SIPA1L2: variants seen among roughly 807,000 people sequenced by gnomAD.
SIPA1L2 encodes signal-induced proliferation-associated 1-like protein 2.
A neutral mutation model predicts 163.9 loss-of-function variants in SIPA1L2; 56 were observed. The observed-to-expected ratio is 0.34, with a 90% confidence interval of 0.28 to 0.43. SIPA1L2 has a LOEUF of 0.43. Ranked by LOEUF, SIPA1L2 falls within the 20% of genes least tolerant of loss-of-function variation. SIPA1L2 has a pLI of 1.00. For synonymous variants in SIPA1L2, 877 were observed against 865.7 expected, an observed-to-expected ratio of 1.01 and a Z score of -0.23; for missense variants, 1,974 against 2,193.5, an observed-to-expected ratio of 0.90 and a Z score of 2.00.
At chr1:232,408,105 A>G (rs182708808) in intron 19 of SIPA1L2, among the ~76,000 whole-genome samples, 1 of 152,288 alleles carries the variant, frequency 6.6e-6, no homozygotes, top group East Asian at 1.9e-4. Context: ...CAGACCACCA[A>G]TTTCACTTAG....
In SIPA1L2 at chr1:232,537,430, T is replaced by C. The variant is rs147963158; in HGVS notation, c.-269-21822A>G. On this transcript the variant is annotated intron_variant, in intron 2 of 22. Coordinates refer to ENST00000674635, the MANE Select transcript of SIPA1L2 (RefSeq NM_020808.5). ...CATCAGAGTTGCTTAAGAAGAACAA[T>C]AGTAGCAATACATCGCTTTATAGTG... Among the ~76,000 whole-genome samples, 615 of 151,932 alleles carry C rather than the reference T, an allele frequency of 4.0e-3. 5 individuals carry two copies. Among genetic ancestry groups the C allele is most frequent in the African/African-American group, 0.014 (573 of 41,410 alleles).
At position 232,402,454 on chromosome 1, in the gene SIPA1L2, G is replaced by A. The variant is rs1660400651; in HGVS notation, c.4960C>T (p.Leu1654=). The change falls in exon 22 of 23, where the codon CTG becomes TTG. Residue 1654 remains leucine, a synonymous_variant. Transcript: ENST00000674635. ...DTTGERSPSP[L]TGKVNQLELI... ...TCCAGCTGATTGACTTTCCCGGTCA[G>A]TGGTGATGGAGAACGCTCCCTAGCA... 5.0e-6 allele frequency: 8 copies of A among 1,613,556 alleles called. No homozygotes were observed. The highest frequency in any genetic ancestry group is 5.9e-6 in the Non-Finnish European group (7 of 1,179,550).
rs375046776 is a variant in SIPA1L2 at position 232,466,652 on chromosome 1, G to A, written c.2244-1236C>T. Among the ~76,000 whole-genome samples, 344 of 152,186 alleles carry A rather than the reference G, an allele frequency of 2.3e-3. 18 individuals are homozygous for A. The South Asian group carries it at 0.067, about 30-fold the overall frequency. On this transcript the variant is annotated intron_variant, in intron 8 of 22. Transcript: ENST00000674635. ...AAAAATACAAAAAAATTAGCCGGGC[G>A]TGGTGGCGGGCGCCTGTAGTCCCAG...
At chr1:232,532,617 G>A (rs1657034183) in intron 2 of SIPA1L2, among the ~76,000 whole-genome samples, 1 of 152,098 alleles carries the variant, frequency 6.6e-6, no homozygotes, top group Non-Finnish European at 1.5e-5. Flanking sequence ...AATAAATTTA[G>A]CTTCCAGAAT....
intron 3 of SIPA1L2, among the ~76,000 whole-genome samples, chr1:232,504,056 G>A (rs889244029): frequency 6.6e-6 from 1 of 152,036 alleles, no homozygotes; most frequent in African/African-American, 2.4e-5. Context: ...TAATAAATAA[G>A]CTGAGTGTGG....
chr1:232,624,485 G>A (rs1225535388), intron 1 of SIPA1L2, among the ~76,000 whole-genome samples: 1 of 152,124 alleles, frequency 6.6e-6, no homozygotes, highest in Non-Finnish European at 1.5e-5. Context: ...GCATTAACCA[G>A]AACTTTCTTT....
At chr1:232,442,939 T>C (rs1662991454) in intron 12 of SIPA1L2, among the ~76,000 whole-genome samples, 1 of 152,216 alleles carries the variant, frequency 6.6e-6, no homozygotes, top group South Asian at 2.1e-4. Context: ...TATAAGCTGC[T>C]CCTCAGAGTG....
chr1:232,541,047 A>G (rs1211804857), intron 2 of SIPA1L2, among the ~76,000 whole-genome samples: 1 of 152,192 alleles, frequency 6.6e-6, no homozygotes, highest in Non-Finnish European at 1.5e-5. Context: ...CCAAACAATG[A>G]GAACACATGG....
intron 2 of SIPA1L2, among the ~76,000 whole-genome samples, chr1:232,538,051 T>A (rs987992581): frequency 3.3e-5 from 5 of 152,210 alleles, no homozygotes; most frequent in African/African-American, 1.2e-4. Flanking sequence ...TCTTACCCCA[T>A]CAGTGAGGAA....
chr1:232,602,343 T>C (rs1381056843), intron 1 of SIPA1L2, among the ~76,000 whole-genome samples: 3 of 152,022 alleles, frequency 2.0e-5, no homozygotes, highest in Admixed American at 2.0e-4. Flanking sequence ...TTTTGTTTTG[T>C]TTATTTAAGA....
intron 14 of SIPA1L2, 46 bp from the exon 15 acceptor site, chr1:232,439,542 T>G: frequency 1.3e-6 from 2 of 1,566,748 alleles, no homozygotes; most frequent in Non-Finnish European, 1.7e-6. Context: ...AATCTTGAAC[T>G]CAGGTGCTTC....
In SIPA1L2 at chr1:232,513,919, C is replaced by T. The variant is rs768179080; in HGVS notation, c.1421G>A (p.Arg474His). 1.9e-6 allele frequency: 3 copies of T among 1,613,162 alleles called. No individual in the cohort carries two copies. Among genetic ancestry groups the T allele is most frequent in the Non-Finnish European group, 1.7e-6 (2 of 1,179,648 alleles). Residue 474 changes from arginine to histidine, a missense_variant, in exon 3 of 23, where the codon CGC becomes CAC. Coordinates refer to ENST00000674635, the MANE Select transcript of SIPA1L2 (RefSeq NM_020808.5). ...NQPIHREKVK[R>H]YIIEHIDLGA... is the part of the protein sequence containing the mutation. ...AAGGTCAATGTGTTCTATGATGTAG[C>T]GCTTCACTTTCTCCCTGTGAATAGG...
In SIPA1L2 at chr1:232,443,692, G is replaced by C; in HGVS notation, c.3354-7C>G. 6.2e-7 allele frequency: 1 copy of C among 1,605,744 alleles called. No homozygotes were observed. Among genetic ancestry groups the C allele is most frequent in the Non-Finnish European group, 8.5e-7 (1 of 1,176,046 alleles). On this transcript the variant is annotated splice_polypyrimidine_tract_variant and splice_region_variant and intron_variant, in intron 11 of 22. Coordinates refer to ENST00000674635, the MANE Select transcript of SIPA1L2 (RefSeq NM_020808.5). The stretch of plus-strand genomic sequence containing the variant: ...CTGGTTGCTGGGTGAGCTTCTGAAA[G>C]GTTGAGTAGAATCATTAACAGGGCA...
intron 1 of SIPA1L2, among the ~76,000 whole-genome samples, chr1:232,623,376 C>A (rs1219768844): frequency 6.6e-6 from 1 of 152,092 alleles, no homozygotes; most frequent in South Asian, 2.1e-4. Flanking sequence ...GAGGCCGAGG[C>A]GGGCAGATCA....
At chr1:232,402,332 G>T in intron 22 of SIPA1L2, 60 bp downstream of exon 22, 1 of 1,492,656 alleles carries the variant, frequency 6.7e-7, no homozygotes. Context: ...ATCTGTAGTA[G>T]TTATAAGGGG....
chr1:232,497,396 G>A (rs1040581998), intron 3 of SIPA1L2, among the ~76,000 whole-genome samples: 1 of 152,142 alleles, frequency 6.6e-6, no homozygotes, highest in Non-Finnish European at 1.5e-5. Flanking sequence ...AATGGACCGG[G>A]GCCTTCTGCA....
rs188743502 is a variant in SIPA1L2 at position 232,448,269 on chromosome 1, A to C, written c.3096-2483T>G. On this transcript the variant is annotated intron_variant, in intron 10 of 22. Coordinates refer to ENST00000674635, the MANE Select transcript of SIPA1L2 (RefSeq NM_020808.5). ...CTAATTGGTGCAGTTCGGCAAGGACACGGGAAGACTAGATAAGTCTCAACT... is the reference window on the plus strand; with the variant it reads ...CTAATTGGTGCAGTTCGGCAAGGACCCGGGAAGACTAGATAAGTCTCAACT... Among the ~76,000 whole-genome samples, 6 of 152,368 alleles carry C rather than the reference A, an allele frequency of 3.9e-5. No individual in the cohort carries two copies. In the East Asian group the frequency reaches 9.6e-4, roughly 24 times the overall value.
rs1274640644 is a variant in SIPA1L2 at position 232,465,676 on chromosome 1, A to C, written c.2244-260T>G. 6.6e-6 allele frequency among the ~76,000 whole-genome samples: 1 copy of C among 151,938 alleles called. No homozygotes were observed. Among genetic ancestry groups the C allele is most frequent in the Non-Finnish European group, 1.5e-5 (1 of 67,986 alleles). ...TTAAACTTAGTAGACAGGAGGTGTA[A>C]TGGGCTGAATTATGTCCCTCTCAAA... is the stretch of plus-strand genomic sequence containing the variant. On this transcript the variant is annotated intron_variant, in intron 8 of 22. Transcript: ENST00000674635. The surrounding 1 kb of genome is among the most constrained non-coding windows in gnomAD (Gnocchi z 4.1).
intron 3 of SIPA1L2, among the ~76,000 whole-genome samples, chr1:232,494,180 A>G (rs1308809194): frequency 2.0e-5 from 3 of 152,266 alleles, no homozygotes; most frequent in African/African-American, 7.2e-5. Context: ...TAATGTTTAT[A>G]AAGCTTATAA....
Sources: gnomAD v4.1 joint callset for allele counts (sites outside exome capture counted in the v4.1 genomes callset) on GRCh38, gnomAD v4.1.1 for gene constraint, Gnocchi (gnomAD v3.1) non-coding constraint, MANE v1.5 for transcripts, NCBI Gene and HGNC (gene_info 2026-07-23, HGNC 2026-07-21) for gene names.